KMT2B: variants seen among roughly 807,000 people sequenced by gnomAD.
KMT2B encodes histone-lysine N-methyltransferase 2B.
In KMT2B, 22 loss-of-function variants were observed where a neutral mutation model predicts 255.3. The ratio of observed to expected loss-of-function variants is 0.09; its 90% CI spans 0.06 to 0.12. KMT2B has a LOEUF of 0.12. Among genes scored for constraint, KMT2B ranks in the 10% least tolerant of loss-of-function variants. The pLI is 1.00. For missense variants in KMT2B, 3,149 were observed against 3,737.0 expected (o/e 0.84, Z 4.10); for synonymous variants, 1,730 against 1,498.1 (o/e 1.15, Z -3.57).
rs757278967 is a variant in KMT2B, at chr19:35,721,115, C to T, written c.1768C>T (p.Pro590Ser). The T allele has an allele frequency of 1.2e-6, 2 of 1,609,854 alleles. No individual in the cohort carries two copies. The highest frequency in any genetic ancestry group is 2.2e-5 in the East Asian group (1 of 44,568). ...CTCTCCACCACGTGCCCCAACTCCT[C>T]CATCTACCCCAGTTCCACTCCCTGA... Reference protein sequence around the residue: ...VPSPPRAPTPPSTPVPLPEKR... With the variant: ...VPSPPRAPTPSSTPVPLPEKR... Residue 590 changes from proline (P) to serine (S), a missense_variant, in exon 3 of 37, where the codon CCA becomes TCA. Physicochemically the swap from Pro to Ser is moderately conservative, Grantham distance 74 (BLOSUM62 -1). This residue lies in a region of KMT2B where 1,188 missense variants were observed against 1,106.4 expected (regional missense o/e 1.07). Transcript: ENST00000420124.
rs754607929 is a variant in KMT2B, at chr19:35,722,582, T to G, written c.2586T>G (p.Pro862=). ...KRERPSGPES[P]VQGPRIKHVC... ...TTCTCCCCCAGGGTCCCGAGTCCCC[T>G]GTGCAAGGTCCCCGCATCAAACATG... The change falls in exon 5 of 37, where the codon CCT becomes CCG. Residue 862 remains proline (P), a synonymous_variant. Coordinates refer to ENST00000420124, the MANE Select transcript of KMT2B (RefSeq NM_014727.3). The G allele has an allele frequency of 6.2e-7, 1 of 1,608,254 alleles. No individual in the cohort carries two copies. The highest frequency in any genetic ancestry group is 1.7e-5 in the Admixed American group (1 of 59,494).
chr19:35,738,659 C>A lies in KMT2B; in HGVS notation c.*102C>A. Reference sequence around the variant, plus strand: ...CTAGCCCCTCCCAGAGCATCTCACCCCCACCCTCATGTTCAGGGTGGATGT... The same window carrying A: ...CTAGCCCCTCCCAGAGCATCTCACCACCACCCTCATGTTCAGGGTGGATGT... On this transcript the variant is annotated 3_prime_UTR_variant, in exon 37 of 37. Coordinates refer to ENST00000420124, the MANE Select transcript of KMT2B (RefSeq NM_014727.3). The surrounding 1 kb of genome is among the most constrained non-coding windows in gnomAD (Gnocchi z 8.7). 7.6e-7 allele frequency: 1 copy of A among 1,317,576 alleles called. No individual in the cohort carries two copies. The highest frequency in any genetic ancestry group is 1.0e-6 in the Non-Finnish European group (1 of 967,124). The allele number at this position is 1,317,576 out of a possible 1,614,324, so 81.6% of individuals were successfully genotyped here.
chr19:35,724,562 A>G, intron 8 of KMT2B, 75 bp from the exon 9 acceptor site: 1 of 1,246,028 alleles, frequency 8.0e-7, no homozygotes, highest in South Asian at 1.3e-5. Flanking sequence ...CTGGGAATCC[A>G]GGTAACATTT....
In KMT2B at chr19:35,721,009, C is replaced by T. The variant is rs767291593; in HGVS notation, c.1662C>T (p.Pro554=). Residue 554 remains proline (P), a synonymous_variant, in exon 3 of 37, where the codon CCC becomes CCT. Transcript: ENST00000420124. The part of the protein sequence containing the change: ...RRFMDEDPPK[P]PKVEVSPVLR... ...TTATGGATGAAGACCCCCCCAAACC[C>T]CCAAAGGTGGAGGTCTCACCTGTCC... is the stretch of plus-strand genomic sequence containing the variant. 6.2e-7 allele frequency: 1 copy of T among 1,610,504 alleles called. No individual in the cohort carries two copies. The highest frequency in any genetic ancestry group is 1.1e-5 in the South Asian group (1 of 90,256).
At position 35,728,306 on chromosome 19, in the gene KMT2B, C is replaced by T. The variant is rs949261649; in HGVS notation, c.4571+135C>T. On this transcript the variant is annotated intron_variant, in intron 19 of 36. Coordinates refer to ENST00000420124, the MANE Select transcript of KMT2B (RefSeq NM_014727.3). Reference sequence around the variant, plus strand: ...GAGCTGGAGAGGAGGGTGGTGGAACCCAGGTGAGATTCCCTGGTGGTTCTA... The same window carrying T: ...GAGCTGGAGAGGAGGGTGGTGGAACTCAGGTGAGATTCCCTGGTGGTTCTA... The T allele has an allele frequency of 1.4e-4, 103 of 738,188 alleles. No homozygotes were observed. The African/African-American group carries it at 1.7e-3, about 12-fold the overall frequency. 45.7% of individuals were successfully genotyped at this position (738,188 alleles called of 1,614,324 possible).
At position 35,732,208 on chromosome 19, in the gene KMT2B, C is replaced by A; in HGVS notation, c.5666-7C>A. ...AGCTGCTGGTAACACCAACCCTCCC[C>A]CCACAGGAAGTCCATCTTCACTGAC... On this transcript the variant is annotated splice_region_variant and splice_polypyrimidine_tract_variant and intron_variant, in intron 27 of 36. Transcript: ENST00000420124. 1.3e-6 allele frequency: 2 copies of A among 1,582,710 alleles called. No individual in the cohort carries two copies. The highest frequency in any genetic ancestry group is 1.7e-6 in the Non-Finnish European group (2 of 1,160,598).
intron 25 of KMT2B, 29 bp downstream of exon 25, chr19:35,730,645 A>G (rs767991137): frequency 1.3e-5 from 21 of 1,613,716 alleles, no homozygotes; most frequent in Non-Finnish European, 1.7e-5. Context: ...CCATGGGGCC[A>G]GGGGACTCCA....
Position 35,733,185 on chromosome 19 carries a change from A to G in KMT2B, c.6636A>G (p.Pro2212=). The change falls in exon 28 of 37, where the codon CCA becomes CCG. Residue 2212 remains proline, a synonymous_variant. Coordinates refer to ENST00000420124, the MANE Select transcript of KMT2B (RefSeq NM_014727.3). This position sits in a 1 kb window ranked among gnomAD's most constrained non-coding sequence, Gnocchi z 4.3. ...TGGCTGGGGAGGGTGAACCTGTCCC[A>G]CCCCCAGTGAAGCAGCCACCTTTGC... ...VKMAGEGEPV[P]PPVKQPPLPP... 6.6e-7 allele frequency: 1 copy of G among 1,525,554 alleles called. No individual in the cohort carries two copies. The highest frequency in any genetic ancestry group is 8.9e-7 in the Non-Finnish European group (1 of 1,127,682). 94.5% of individuals were successfully genotyped at this position (1,525,554 alleles called of 1,614,324 possible).
intron 30 of KMT2B, 96 bp from the exon 31 acceptor site, chr19:35,736,594 G>T (rs1969926215): frequency 2.1e-6 from 3 of 1,447,988 alleles, no homozygotes; most frequent in African/African-American, 1.4e-5. Flanking sequence ...GCGCCTAGGG[G>T]TGGAGAGAGT....
intron 13 of KMT2B, 59 bp from the exon 14 acceptor site, chr19:35,726,177 C>G: frequency 2.3e-6 from 3 of 1,313,052 alleles, no homozygotes; most frequent in Non-Finnish European, 3.3e-6. Context: ...GCCCGTCTCC[C>G]GCTCATGTTG....
chr19:35,730,171 C>A, intron 23 of KMT2B, 46 bp downstream of exon 23: 1 of 1,610,980 alleles, frequency 6.2e-7, no homozygotes, highest in Non-Finnish European at 8.5e-7. Context: ...CACCTCTCTT[C>A]CTGTTCACTT....
chr19:35,737,789 TAGAG>T lies in KMT2B; in HGVS notation c.7658+49_7658+52del. The T allele has an allele frequency of 2.6e-6, 4 of 1,549,322 alleles. No homozygotes were observed. Among genetic ancestry groups the T allele is most frequent in the Non-Finnish European group, 3.5e-6 (4 of 1,143,988 alleles). On this transcript the variant is annotated intron_variant, in intron 34 of 36. Transcript: ENST00000420124. This position sits in a 1 kb window ranked among gnomAD's most constrained non-coding sequence, Gnocchi z 5.3. ...GGCGGGTGGTGGTCTGGAAGGGTCT[TAGAG>T]AGTGAGCAGGGGTGAGAGAGGTCAT...
In KMT2B at chr19:35,723,948, C is replaced by T. The variant is rs775845065; in HGVS notation, c.3275C>T (p.Ser1092Leu). Residue 1092 changes from serine to leucine, a missense_variant, in exon 8 of 37, where the codon TCG becomes TTG. Physicochemically the swap from Ser to Leu is moderately radical, Grantham distance 145 (BLOSUM62 -2). This residue lies in a region of KMT2B where 136 missense variants were observed against 137.3 expected (regional missense o/e 0.99). Coordinates refer to ENST00000420124, the MANE Select transcript of KMT2B (RefSeq NM_014727.3). The surrounding 1 kb of genome is among the most constrained non-coding windows in gnomAD (Gnocchi z 7.5). ...QRPSYDIFED[S>L]DDSEPGGPPA... The stretch of plus-strand genomic sequence containing the variant: ...CCCTCCTATGATATCTTCGAGGATT[C>T]GGATGACTCGGAGCCCGGGGGCCCC... The T allele has an allele frequency of 1.1e-5, 17 of 1,611,616 alleles. No individual in the cohort carries two copies. Among genetic ancestry groups the T allele is most frequent in the African/African-American group, 2.7e-5 (2 of 74,928 alleles).
chr19:35,720,464 G>C lies in KMT2B; in HGVS notation c.1117G>C (p.Glu373Gln). The change falls in exon 3 of 37, where the codon GAA (glutamate) becomes CAA (glutamine). Residue 373 changes from glutamate (E) to glutamine (Q), a missense_variant. Glu to Gln is a conservative substitution (Grantham distance 29, BLOSUM62 2). Transcript: ENST00000420124. ...GGAAGAAGAGAAGAAAGAAGAAGAAGAAAAAGACAAGGAGGGAGAAGAGAA... is the reference window on the plus strand; with the variant it reads ...GGAAGAAGAGAAGAAAGAAGAAGAACAAAAAGACAAGGAGGGAGAAGAGAA... ...DEEEEKKEEE[E>Q]KDKEGEEKEE... 6.4e-7 allele frequency: 1 copy of C among 1,550,546 alleles called. No homozygotes were observed. Among genetic ancestry groups the C allele is most frequent in the South Asian group, 1.2e-5 (1 of 84,046 alleles).
At position 35,724,741 on chromosome 19, in the gene KMT2B, G is replaced by A. The variant is rs750311621; in HGVS notation, c.3429+10G>A. 1 of 1,571,012 alleles carries A rather than the reference G, an allele frequency of 6.4e-7. No homozygotes were observed. The highest frequency in any genetic ancestry group is 8.6e-7 in the Non-Finnish European group (1 of 1,158,480). ...AAGGCGCCTGGACAAGGTCAGCACG[G>A]CCCGCTCCGAGAGCCCCTTCCCTCC... On this transcript the variant is annotated intron_variant, in intron 9 of 36. Transcript: ENST00000420124.
At chr19:35,734,161 A>G (rs1255902494) in intron 30 of KMT2B, among the ~76,000 whole-genome samples, 2 of 152,054 alleles carry the variant, frequency 1.3e-5, no homozygotes, top group African/African-American at 4.8e-5. Context: ...GCTGAGAGAG[A>G]GCTTCCTAGA....
rs775976858 is a variant in KMT2B at position 35,725,051 on chromosome 19, T to A, written c.3492T>A (p.Ser1164=). The change falls in exon 10 of 37, where the codon TCT becomes TCA. Residue 1164 remains serine (S), a synonymous_variant. Coordinates refer to ENST00000420124, the MANE Select transcript of KMT2B (RefSeq NM_014727.3). The surrounding 1 kb of genome is among the most constrained non-coding windows in gnomAD (Gnocchi z 4.1). ...FPNGWTGKQK[S]PDGVHRVRVD... Reference sequence around the variant, plus strand: ...ATGGCTGGACTGGAAAGCAGAAGTCTCCCGATGGTGTGCACCGCGTCCGTG... The same window carrying A: ...ATGGCTGGACTGGAAAGCAGAAGTCACCCGATGGTGTGCACCGCGTCCGTG... The A allele has an allele frequency of 3.1e-6, 5 of 1,613,762 alleles. No homozygotes were observed. The South Asian group carries it at 3.3e-5, about 11-fold the overall frequency.
chr19:35,722,337 G>T, intron 3 of KMT2B, 22 bp from the exon 4 acceptor site: 1 of 1,590,316 alleles, frequency 6.3e-7, no homozygotes, highest in South Asian at 1.1e-5. Context: ...TCCAGCCCCT[G>T]ACCCTGTTTA....
Position 35,719,539 on chromosome 19 carries a change from G to A in KMT2B, c.434G>A (p.Arg145Gln). 1 of 1,587,372 alleles carries A rather than the reference G, an allele frequency of 6.3e-7. No individual in the cohort carries two copies. Among genetic ancestry groups the A allele is most frequent in the Non-Finnish European group, 8.6e-7 (1 of 1,166,832 alleles). ...CTGCGCTCTGCGCTCCGATCCCAGCGAGGTGAGTGACGGGGGAACTCCACC... is the reference window on the plus strand; with the variant it reads ...CTGCGCTCTGCGCTCCGATCCCAGCAAGGTGAGTGACGGGGGAACTCCACC... ...SSLRSALRSQ[R>Q]GRAPRGRGRK... Residue 145 changes from arginine (R) to glutamine (Q), a missense_variant and splice_region_variant, in exon 2 of 37, where the codon CGA (arginine) becomes CAA (glutamine). Coordinates refer to ENST00000420124, the MANE Select transcript of KMT2B (RefSeq NM_014727.3).
Sources: gnomAD v4.1 joint callset for allele counts (sites outside exome capture counted in the v4.1 genomes callset) on GRCh38, gnomAD v4.1.1 for gene constraint, gnomAD v4.1.1 regional missense constraint, Gnocchi (gnomAD v3.1) non-coding constraint, MANE v1.5 for transcripts, NCBI Gene and HGNC (gene_info 2026-07-23, HGNC 2026-07-21) for gene names.